The following FOXP1 variants were observed in gnomAD, a reference collection of about 807,000 sequenced individuals.
The protein encoded by FOXP1 is forkhead box protein P1.
A neutral mutation model predicts 98.2 loss-of-function variants in FOXP1; 15 were observed. The ratio of observed to expected loss-of-function variants is 0.15; its 90% CI spans 0.10 to 0.24. The LOEUF is 0.24. Ranked by LOEUF, FOXP1 falls within the 10% of genes least tolerant of loss-of-function variation. The probability of loss-of-function intolerance (pLI) is 1.00; values close to 1 mark genes in which losing one functional copy is unlikely to be tolerated. For synonymous variants in FOXP1, 371 were observed against 314.5 expected, an observed-to-expected ratio of 1.18 and a Z score of -1.90; for missense variants, 633 against 848.5, an observed-to-expected ratio of 0.75 and a Z score of 3.15.
intron 14 of FOXP1, among the ~76,000 whole-genome samples, chr3:70,986,088 A>C (rs959769304): frequency 4.6e-5 from 7 of 152,336 alleles, no homozygotes; most frequent in African/African-American, 1.7e-4. Flanking sequence ...GTCCCCTTCA[A>C]AGTTACAATT....
intron 2 of FOXP1, among the ~76,000 whole-genome samples, chr3:71,575,609 C>CA (rs755264417): frequency 2.0e-4 from 31 of 152,302 alleles, no homozygotes; most frequent in Non-Finnish European, 3.8e-4. Context: ...CCACCAGTGC[C>CA]ACTGGTCATC....
intron 14 of FOXP1, among the ~76,000 whole-genome samples, chr3:70,983,283 G>T (rs1020698688): frequency 6.6e-6 from 1 of 152,114 alleles, no homozygotes; most frequent in Non-Finnish European, 1.5e-5. Flanking sequence ...TTGAAAGGTT[G>T]GTGGGGGTGG....
intron 3 of FOXP1, among the ~76,000 whole-genome samples, chr3:71,397,166 G>A (rs1275105802): frequency 6.9e-6 from 1 of 145,480 alleles, no homozygotes; most frequent in Non-Finnish European, 1.5e-5. Context: ...AGGGTTGGAA[G>A]CACGTGTACC....
At chr3:71,330,754 A>T in intron 4 of FOXP1, among the ~76,000 whole-genome samples, 1 of 152,256 alleles carries the variant, frequency 6.6e-6, no homozygotes, top group Non-Finnish European at 1.5e-5. Flanking sequence ...ACATGGAAAA[A>T]TGTGCTTGAT....
chr3:70,960,289 C>T (rs1361900407), intron 20 of FOXP1, among the ~76,000 whole-genome samples: 1 of 152,104 alleles, frequency 6.6e-6, no homozygotes, highest in African/African-American at 2.4e-5. Context: ...AGCAGAGCCC[C>T]AATCAGAATA....
rs910933684 is a variant in FOXP1 at position 71,111,316 on chromosome 3, C to T, written c.282+1220G>A. Among the ~76,000 whole-genome samples the T allele has an allele frequency of 5.9e-5, 9 of 152,210 alleles. No individual in the cohort carries two copies. The East Asian group carries it at 7.7e-4, about 13-fold the overall frequency. The stretch of plus-strand genomic sequence containing the variant: ...CGGGTGCCAAGTGCCCTCTCTTAAA[C>T]GTGAGCATGAAGACCCTGATTCAAG... On this transcript the variant is annotated intron_variant, in intron 7 of 20. Transcript: ENST00000649528.
chr3:71,548,778 A>ATTTT (rs2045559076), intron 2 of FOXP1, among the ~76,000 whole-genome samples: 1 of 150,270 alleles, frequency 6.7e-6, no homozygotes, highest in Non-Finnish European at 1.5e-5. Context: ...CCCCAAAAGA[A>ATTTT]ATGAGATGAA....
At chr3:71,078,830 A>C (rs1464661153) in intron 7 of FOXP1, among the ~76,000 whole-genome samples, 3 of 152,108 alleles carry the variant, frequency 2.0e-5, no homozygotes, top group African/African-American at 7.2e-5. Flanking sequence ...TGGAGCCACT[A>C]GTCATAAATA....
chr3:71,574,509 GTTTC>G (rs2047577309), intron 2 of FOXP1: 2 of 151,782 alleles, frequency 1.3e-5, no homozygotes, highest in South Asian at 2.1e-4. Flanking sequence ...TAGGATTCTG[GTTTC>G]TTTATTTGTG....
intron 6 of FOXP1, among the ~76,000 whole-genome samples, chr3:71,147,930 A>G (rs2060389235): frequency 6.6e-6 from 1 of 152,278 alleles, no homozygotes. Context: ...TGTCTAAAAC[A>G]GCATAGCAAA....
At chr3:71,399,244 A>T (rs1252514909) in intron 3 of FOXP1, among the ~76,000 whole-genome samples, 1 of 152,208 alleles carries the variant, frequency 6.6e-6, no homozygotes, top group East Asian at 1.9e-4. Context: ...ATACATATGT[A>T]TGTGTGTATA....
chr3:71,062,782 T>G (rs1301342866), intron 7 of FOXP1, among the ~76,000 whole-genome samples: 1 of 152,214 alleles, frequency 6.6e-6, no homozygotes, highest in African/African-American at 2.4e-5. Context: ...CGGGTGAATA[T>G]AAAGCCCATT....
chr3:71,521,985 CTTTG>C (rs1276808799), intron 2 of FOXP1, among the ~76,000 whole-genome samples: 2 of 152,172 alleles, frequency 1.3e-5, no homozygotes, highest in Non-Finnish European at 2.9e-5. Flanking sequence ...TTTCAGATCT[CTTTG>C]TTTGAAAGCA....
intron 3 of FOXP1, among the ~76,000 whole-genome samples, chr3:71,365,651 A>G (rs2078870951): frequency 6.6e-6 from 1 of 152,194 alleles, no homozygotes; most frequent in Non-Finnish European, 1.5e-5. Context: ...ATCAGGCATG[A>G]AGATTCCCTA....
intron 13 of FOXP1, among the ~76,000 whole-genome samples, chr3:70,989,530 A>C (rs986208974): frequency 1.3e-5 from 2 of 152,188 alleles, no homozygotes; most frequent in African/African-American, 2.4e-5. Context: ...TAGTTTTCCA[A>C]AGAGGCTTAG....
chr3:71,281,568 C>T (rs751408686), intron 5 of FOXP1, among the ~76,000 whole-genome samples: 15 of 152,348 alleles, frequency 9.8e-5, no homozygotes, highest in Non-Finnish European at 1.6e-4. Context: ...CATTGCTCAA[C>T]GCAAAGTGCT....
At chr3:71,432,251 G>A (rs952217191) in intron 3 of FOXP1, among the ~76,000 whole-genome samples, 8 of 152,166 alleles carry the variant, frequency 5.3e-5, no homozygotes, top group Non-Finnish European at 8.8e-5. Context: ...TGTCGTGGCC[G>A]GGAACGGCAG....
intron 2 of FOXP1, among the ~76,000 whole-genome samples, chr3:71,534,320 C>A (rs561668878): frequency 6.6e-6 from 1 of 152,092 alleles, no homozygotes; most frequent in Non-Finnish European, 1.5e-5. Flanking sequence ...GTGGAGATCA[C>A]GCCATTGCAC....
At chr3:71,130,856 C>A in intron 6 of FOXP1, 2 of 1,427,792 alleles carry the variant, frequency 1.4e-6, no homozygotes, top group Non-Finnish European at 1.8e-6. Context: ...TTAAAGAAAT[C>A]TATTAATGCC....
Sources: allele counts gnomAD v4.1 joint callset (sites outside exome capture counted in the v4.1 genomes callset), GRCh38; gene constraint gnomAD v4.1.1; transcripts MANE v1.5; gene names NCBI Gene and HGNC (gene_info 2026-07-23, HGNC 2026-07-21).